AGTR1: variants seen among roughly 807,000 people sequenced by gnomAD.
AGTR1 encodes the protein type-1 angiotensin II receptor.
A neutral mutation model predicts 19.4 loss-of-function variants in AGTR1; 16 were observed. That is an observed-to-expected ratio of 0.82 (90% CI 0.56 to 1.25). The LOEUF is 1.25. Ranked by LOEUF, AGTR1 falls within the 50% of genes most tolerant of loss-of-function variation. AGTR1 has a pLI of 0.00. For missense variants in AGTR1, 373 were observed against 431.9 expected (o/e 0.86, Z 1.21); for synonymous variants, 153 against 154.9 (o/e 0.99, Z 0.09).
At chr3:148,725,196 G>T (rs932470678) in intron 2 of AGTR1, among the ~76,000 whole-genome samples, 1 of 152,142 alleles carries the variant, frequency 6.6e-6, no homozygotes, top group Non-Finnish European at 1.5e-5. Flanking sequence ...TTTGAAGGAA[G>T]TTTCTGTCAT....
At chr3:148,703,264 C>A (rs1712459396) in intron 1 of AGTR1, among the ~76,000 whole-genome samples, 1 of 152,152 alleles carries the variant, frequency 6.6e-6, no homozygotes, top group South Asian at 2.1e-4. Context: ...TCCCAGTTCC[C>A]ATATTAGCAT....
chr3:148,705,710 T>C (rs1712629345), intron 1 of AGTR1, among the ~76,000 whole-genome samples: 1 of 151,230 alleles, frequency 6.6e-6, no homozygotes, highest in African/African-American at 2.4e-5. Flanking sequence ...TGTATAAATA[T>C]AAAATGTAAT....
At chr3:148,731,096 A>C (rs1012317860) in intron 2 of AGTR1, 1 of 152,248 alleles carries the variant, frequency 6.6e-6, no homozygotes, top group Non-Finnish European at 1.5e-5. Context: ...TATTTTATCA[A>C]AATTAATTTT....
Position 148,742,097 on chromosome 3 carries a change from A to G in AGTR1, c.1062A>G (p.Pro354=), listed in dbSNP as rs5183. The change falls in exon 3 of 3, where the codon CCA becomes CCG. Residue 354 remains proline (P), a synonymous_variant. Coordinates refer to ENST00000349243, the MANE Select transcript of AGTR1 (RefSeq NM_000685.5). ...NVSSSTKKPA[P]CFEVE is the part of the protein sequence containing the mutation. ...GCTCATCCACCAAGAAGCCTGCACC[A>G]TGTTTTGAGGTTGAGTGACATGTTC... The G allele has an allele frequency of 0.067, 108,577 of 1,613,898 alleles. 6,107 individuals carry two copies. The highest frequency in any genetic ancestry group is 0.3 in the African/African-American group (22,227 of 74,898).
At chr3:148,731,339 G>C (rs1295875756) in intron 2 of AGTR1, 2 of 152,118 alleles carry the variant, frequency 1.3e-5, no homozygotes, top group Non-Finnish European at 2.9e-5. Flanking sequence ...CCAAACATTT[G>C]CTGCCACAAG....
intron 2 of AGTR1, among the ~76,000 whole-genome samples, chr3:148,724,623 A>AT (rs1713828799): frequency 2.6e-5 from 4 of 152,190 alleles, no homozygotes; most frequent in Admixed American, 2.0e-4. Context: ...TATAGCAGAC[A>AT]TTTTTGTGAC....
At chr3:148,710,717 G>A (rs1394262317) in intron 2 of AGTR1, among the ~76,000 whole-genome samples, 1 of 151,892 alleles carries the variant, frequency 6.6e-6, no homozygotes, top group East Asian at 1.9e-4. Context: ...TATTTAAATT[G>A]TATGTCACTG....
At chr3:148,719,666 C>T (rs993377651) in intron 2 of AGTR1, among the ~76,000 whole-genome samples, 1 of 152,114 alleles carries the variant, frequency 6.6e-6, no homozygotes, top group Non-Finnish European at 1.5e-5. Flanking sequence ...AGGGAAACTC[C>T]ATGTGCCTCT....
intron 1 of AGTR1, 174 bp downstream of exon 1, chr3:148,698,301 A>C (rs563645652): frequency 8.5e-5 from 13 of 152,598 alleles, no homozygotes; most frequent in African/African-American, 3.1e-4. Flanking sequence ...CACTTTCCCA[A>C]ATCAGGTGAG....
chr3:148,735,612 G>T (rs368291974), intron 2 of AGTR1, among the ~76,000 whole-genome samples: 1 of 152,258 alleles, frequency 6.6e-6, no homozygotes, highest in African/African-American at 2.4e-5. Flanking sequence ...AGTAGACTTC[G>T]TAAAATAGGA....
intron 1 of AGTR1, among the ~76,000 whole-genome samples, chr3:148,699,057 G>C (rs1712162057): frequency 6.6e-6 from 1 of 151,646 alleles, no homozygotes; most frequent in African/African-American, 2.4e-5. Flanking sequence ...TTTGTTTGCT[G>C]ATAGCCTCGT....
chr3:148,741,470 C>T lies in AGTR1; in HGVS notation c.435C>T (p.Ala145=). 6.2e-7 allele frequency: 1 copy of T among 1,612,772 alleles called. No individual in the cohort carries two copies. Among genetic ancestry groups the T allele is most frequent in the Non-Finnish European group, 8.5e-7 (1 of 1,180,002 alleles). ...KSRLRRTMLV[A]KVTCIIIWLL... is the part of the protein sequence containing the mutation. ...GCCTTCGACGCACAATGCTTGTAGC[C>T]AAAGTCACCTGCATCATCATTTGGC... The change falls in exon 3 of 3, where the codon GCC becomes GCT. Residue 145 remains alanine, a synonymous_variant. Coordinates refer to ENST00000349243, the MANE Select transcript of AGTR1 (RefSeq NM_000685.5).
rs1712766072 is a variant in AGTR1 at position 148,708,006 on chromosome 3, C to T, written c.-69C>T. ...TTTTATCTGAATAACTCACTGATGCCATCCCAGAAAGTCGGCACCAGGTAA... is the reference window on the plus strand; with the variant it reads ...TTTTATCTGAATAACTCACTGATGCTATCCCAGAAAGTCGGCACCAGGTAA... On this transcript the variant is annotated 5_prime_UTR_variant, in exon 2 of 3. Coordinates refer to ENST00000349243, the MANE Select transcript of AGTR1 (RefSeq NM_000685.5). 1 of 151,988 alleles carries T rather than the reference C, an allele frequency of 6.6e-6. No individual in the cohort carries two copies. Among genetic ancestry groups the T allele is most frequent in the Admixed American group, 6.6e-5 (1 of 15,246 alleles). 9.4% of individuals were successfully genotyped at this position (151,988 alleles called of 1,614,324 possible).
At chr3:148,733,045 A>G (rs533912563) in intron 2 of AGTR1, among the ~76,000 whole-genome samples, 1 of 152,200 alleles carries the variant, frequency 6.6e-6, no homozygotes, top group Admixed American at 6.5e-5. Flanking sequence ...CGGCCCGGAA[A>G]ATTTTTTTAA....
chr3:148,709,065 T>G (rs1166890101), intron 2 of AGTR1, among the ~76,000 whole-genome samples: 2 of 152,212 alleles, frequency 1.3e-5, no homozygotes, highest in Non-Finnish European at 2.9e-5. Context: ...ATAGTAACAC[T>G]TTACAGAGTT....
chr3:148,724,276 T>G (rs903053576), intron 2 of AGTR1, among the ~76,000 whole-genome samples: 3 of 152,106 alleles, frequency 2.0e-5, no homozygotes, highest in Non-Finnish European at 2.9e-5. Flanking sequence ...AGCCTATATA[T>G]GTATTTGAAT....
chr3:148,701,632 T>C (rs1712346672), intron 1 of AGTR1, among the ~76,000 whole-genome samples: 1 of 152,198 alleles, frequency 6.6e-6, no homozygotes, highest in Non-Finnish European at 1.5e-5. Context: ...CTCCTTCCTA[T>C]TACCAAGAAT....
Position 148,741,406 on chromosome 3 carries a change from T to C in AGTR1, c.371T>C (p.Ile124Thr), listed in dbSNP as rs757886940. Reference sequence around the variant, plus strand: ...GTGTTTCTACTCACGTGTCTCAGCATTGATCGATACCTGGCTATTGTTCAC... The same window carrying C: ...GTGTTTCTACTCACGTGTCTCAGCACTGATCGATACCTGGCTATTGTTCAC... Reference protein sequence around the residue: ...ASVFLLTCLSIDRYLAIVHPM... With the variant: ...ASVFLLTCLSTDRYLAIVHPM... Residue 124 changes from isoleucine (I) to threonine (T), a missense_variant, in exon 3 of 3, where the codon ATT (isoleucine) becomes ACT (threonine). Ile to Thr is a moderately conservative substitution (Grantham distance 89). Transcript: ENST00000349243. 3 of 1,604,230 alleles carry C rather than the reference T, an allele frequency of 1.9e-6. No individual in the cohort carries two copies. Among genetic ancestry groups the C allele is most frequent in the Non-Finnish European group, 1.7e-6 (2 of 1,178,580 alleles).
chr3:148,725,683 A>C (rs1177318589), intron 2 of AGTR1, among the ~76,000 whole-genome samples: 1 of 152,044 alleles, frequency 6.6e-6, no homozygotes, highest in African/African-American at 2.4e-5. Context: ...GGGTTTCACC[A>C]TGTTGGCCAG....
Sources: gnomAD v4.1 joint callset for allele counts (sites outside exome capture counted in the v4.1 genomes callset) on GRCh38, gnomAD v4.1.1 for gene constraint, MANE v1.5 for transcripts, NCBI Gene and HGNC (gene_info 2026-07-23, HGNC 2026-07-21) for gene names.